The following HADHB variants were observed in gnomAD, a reference collection of about 807,000 sequenced individuals.
The protein encoded by HADHB is hydroxyacyl-CoA dehydrogenase trifunctional multienzyme complex subunit beta.
Under a neutral mutation model 61.9 loss-of-function variants are expected in HADHB, and 50 were observed. That is an observed-to-expected ratio of 0.81 (90% CI 0.64 to 1.02). The LOEUF (loss-of-function observed/expected upper bound fraction) is 1.02, where lower values mean the gene tolerates loss of function less well. Among genes scored for constraint, HADHB ranks in the 50% least tolerant of loss-of-function variants. HADHB has a pLI of 0.00. For synonymous variants in HADHB, 191 were observed against 201.6 expected (o/e 0.95, Z 0.45); for missense variants, 504 against 586.5 (o/e 0.86, Z 1.45).
chr2:26,258,645 G>A (rs188813856), intron 3 of HADHB, among the ~76,000 whole-genome samples: 62 of 152,308 alleles, frequency 4.1e-4, no homozygotes, highest in Admixed American at 3.9e-3. Flanking sequence ...AGCTCAGCTC[G>A]AGCCAGAACA....
chr2:26,256,778 A>G (rs1039547993), intron 3 of HADHB, among the ~76,000 whole-genome samples: 4 of 152,192 alleles, frequency 2.6e-5, no homozygotes, highest in African/African-American at 9.6e-5. Context: ...TCAGATTCTT[A>G]TAATTCATTA....
At chr2:26,253,929 T>C (rs1671507185) in intron 1 of HADHB, among the ~76,000 whole-genome samples, 1 of 151,414 alleles carries the variant, frequency 6.6e-6, no homozygotes. Context: ...CACTCACTAG[T>C]TGTAGGTCTT....
chr2:26,251,305 G>C (rs954990340), intron 1 of HADHB, among the ~76,000 whole-genome samples: 1 of 151,882 alleles, frequency 6.6e-6, no homozygotes, highest in East Asian at 1.9e-4. Flanking sequence ...TCCCACCTCA[G>C]CCTCTTGAGT....
At chr2:26,263,882 A>G (rs1407041062) in intron 4 of HADHB, among the ~76,000 whole-genome samples, 8 of 152,114 alleles carry the variant, frequency 5.3e-5, no homozygotes, top group Admixed American at 2.0e-4. Context: ...CCTGGAAATT[A>G]TTAAAATTGG....
intron 6 of HADHB, among the ~76,000 whole-genome samples, chr2:26,274,327 G>A (rs1367614849): frequency 6.6e-6 from 1 of 152,198 alleles, no homozygotes; most frequent in Non-Finnish European, 1.5e-5. Context: ...TGTCCTACAG[G>A]CAAATCCAAA....
chr2:26,273,665 G>A lies in HADHB; in HGVS notation c.269G>A (p.Arg90Gln), dbSNP rs777966733. 7.5e-6 allele frequency: 12 copies of A among 1,596,760 alleles called. No individual in the cohort carries two copies. The highest frequency in any genetic ancestry group is 1.7e-4 in the Middle Eastern group (1 of 6,018). Reference protein sequence around the residue: ...ARAALTGLLHRTSVPKEVVDY... With the variant: ...ARAALTGLLHQTSVPKEVVDY... ...TCTACTTCCAGGGGTTTGTTGCATC[G>A]GACCAGTGTCCCTAAGGAAGTAGTT... The change falls in exon 6 of 16, where the codon CGG becomes CAG. Residue 90 changes from arginine to glutamine, a missense_variant. Coordinates refer to ENST00000317799, the MANE Select transcript of HADHB (RefSeq NM_000183.3).
In HADHB at chr2:26,275,591, G is replaced by GC. The variant is rs113803336; in HGVS notation, c.355-1479dup. Among the ~76,000 whole-genome samples the GC allele has an allele frequency of 6.3e-3, 955 of 152,284 alleles. 8 individuals are homozygous for GC. The highest frequency in any genetic ancestry group is 0.021 in the African/African-American group (893 of 41,556). On this transcript the variant is annotated intron_variant, in intron 6 of 15. Transcript: ENST00000317799. The stretch of plus-strand genomic sequence containing the variant: ...CAACCTAAGTGCCCCTTTTACACTT[G>GC]CCCTTTGCAGAGCTCTTCCCTCCTG...
intron 3 of HADHB, among the ~76,000 whole-genome samples, chr2:26,258,340 C>A (rs1248216048): frequency 6.6e-6 from 1 of 152,182 alleles, no homozygotes. Context: ...AGGAATGGAA[C>A]CTTGGGCCAT....
At chr2:26,245,222 C>T in intron 1 of HADHB, 1 of 175,996 alleles carries the variant, frequency 5.7e-6, no homozygotes, top group Middle Eastern at 2.9e-3. Flanking sequence ...CACCTGCGCC[C>T]TAATTTATCA....
chr2:26,262,148 G>T (rs1342595503), intron 3 of HADHB, among the ~76,000 whole-genome samples: 1 of 152,082 alleles, frequency 6.6e-6, no homozygotes. Flanking sequence ...GGTTGTAGAT[G>T]TTTACTATAA....
At chr2:26,268,981 T>C (rs1672218229) in intron 4 of HADHB, among the ~76,000 whole-genome samples, 4 of 151,918 alleles carry the variant, frequency 2.6e-5, no homozygotes, top group African/African-American at 4.8e-5. Context: ...ATCCCATCTC[T>C]ACTAAAAATA....
chr2:26,277,779 T>TA (rs915467135), intron 7 of HADHB, among the ~76,000 whole-genome samples: 13 of 152,136 alleles, frequency 8.5e-5, no homozygotes, highest in African/African-American at 3.1e-4. Context: ...GAGGCATGAG[T>TA]AAATAGTTTA....
Position 26,284,864 on chromosome 2 carries a change from C to T in HADHB, c.1150-19C>T, listed in dbSNP as rs769077338. ...GAACATGAATAACGAGGTTCTTATT[C>T]GATTATTTTCTCTTCCAGGGTCAGA... On this transcript the variant is annotated intron_variant, in intron 13 of 15. Transcript: ENST00000317799. 3.7e-6 allele frequency: 5 copies of T among 1,348,050 alleles called. No homozygotes were observed. Among genetic ancestry groups the T allele is most frequent in the Admixed American group, 1.7e-5 (1 of 59,676 alleles). The allele number at this position is 1,348,050 out of a possible 1,614,324, so 83.5% of individuals were successfully genotyped here. A position where few individuals can be genotyped will look rare whatever the true frequency, so the allele number is the denominator to read the frequency against.
intron 10 of HADHB, among the ~76,000 whole-genome samples, chr2:26,282,295 C>T (rs1470637490): frequency 2.1e-5 from 3 of 144,630 alleles, no homozygotes; most frequent in Admixed American, 7.0e-5. Context: ...GGCTTTGTCA[C>T]CCAGGCTGGA....
At chr2:26,274,612 A>T (rs1294398464) in intron 6 of HADHB, among the ~76,000 whole-genome samples, 1 of 152,242 alleles carries the variant, frequency 6.6e-6, no homozygotes, top group African/African-American at 2.4e-5. Context: ...AGGGGCAGGA[A>T]GGAATTAACA....
intron 3 of HADHB, among the ~76,000 whole-genome samples, chr2:26,262,094 A>G (rs1214511125): frequency 1.3e-5 from 2 of 152,120 alleles, no homozygotes; most frequent in African/African-American, 4.8e-5. Context: ...TTTATGCCCT[A>G]TTTTATCATG....
chr2:26,259,403 G>A (rs1027157578), intron 3 of HADHB, among the ~76,000 whole-genome samples: 13 of 152,150 alleles, frequency 8.5e-5, no homozygotes, highest in Admixed American at 3.3e-4. Flanking sequence ...GGTAATTAAC[G>A]TTTATTTCTC....
Position 26,279,878 on chromosome 2 carries a change from T to G in HADHB, c.812-116T>G, listed in dbSNP as rs113846663. 8,785 of 748,336 alleles carry G rather than the reference T, an allele frequency of 0.012. 64 individuals are homozygous for G. The highest frequency in any genetic ancestry group is 0.015 in the Non-Finnish European group (6,749 of 439,114). 46.4% of individuals were successfully genotyped at this position (748,336 alleles called of 1,614,324 possible). On this transcript the variant is annotated intron_variant, in intron 9 of 15. Transcript: ENST00000317799. ...TAATTATAAAACACTTTCCTTCTAG[T>G]GAATAGGTAAGGTTTATATTTCATT...
chr2:26,244,942 T>C lies in HADHB; in HGVS notation c.-57T>C, dbSNP rs1558335495. 3 of 405,732 alleles carry C rather than the reference T, an allele frequency of 7.4e-6. No homozygotes were observed. In the East Asian group the frequency reaches 1.6e-4, roughly 22 times the overall value. 25.1% of individuals were successfully genotyped at this position (405,732 alleles called of 1,614,324 possible). Reference sequence around the variant, plus strand: ...CTTGGTCCCGCAGAGCCTTGGTACTTGGACCTGAACCTTGCTCCGAGAGGG... The same window carrying C: ...CTTGGTCCCGCAGAGCCTTGGTACTCGGACCTGAACCTTGCTCCGAGAGGG... On this transcript the variant is annotated 5_prime_UTR_variant, in exon 1 of 16. Transcript: ENST00000317799.
Sources: gnomAD v4.1 joint callset for allele counts (sites outside exome capture counted in the v4.1 genomes callset) on GRCh38, gnomAD v4.1.1 for gene constraint, MANE v1.5 for transcripts, NCBI Gene and HGNC (gene_info 2026-07-23, HGNC 2026-07-21) for gene names.